Variants in SPG11 observed in about 807,000 individuals in gnomAD.
SPG11 encodes the protein SPG11 vesicle trafficking associated, spatacsin.
A neutral mutation model predicts 274.0 loss-of-function variants in SPG11; 222 were observed. The observed-to-expected ratio is 0.81, with a 90% CI of 0.73 to 0.91. The LOEUF (loss-of-function observed/expected upper bound fraction) is 0.91, where lower values mean the gene tolerates loss of function less well. Among genes scored for constraint, SPG11 ranks in the 40% least tolerant of loss-of-function variants. The pLI, the probability that SPG11 is intolerant of heterozygous loss-of-function variation, is 0.00. For missense variants in SPG11, 3,114 were observed against 2,872.7 expected (o/e 1.08, Z -1.92); for synonymous variants, 1,144 against 1,039.7 (o/e 1.10, Z -1.93).
At chr15:44,631,104 G>T (rs1467568356) in intron 8 of SPG11, among the ~76,000 whole-genome samples, 5 of 152,024 alleles carry the variant, frequency 3.3e-5, no homozygotes, top group Non-Finnish European at 5.9e-5. Flanking sequence ...CTTAAACCTG[G>T]AAATTCCAGG....
intron 30 of SPG11, among the ~76,000 whole-genome samples, chr15:44,583,013 C>G (rs1333004583): frequency 6.6e-6 from 1 of 152,104 alleles, no homozygotes; most frequent in Non-Finnish European, 1.5e-5. Flanking sequence ...ACTGAAAGGC[C>G]TAGTCAGTGC....
chr15:44,602,688 T>C (rs1183904490), intron 20 of SPG11, among the ~76,000 whole-genome samples: 1 of 152,080 alleles, frequency 6.6e-6, no homozygotes, highest in Non-Finnish European at 1.5e-5. Flanking sequence ...TTCACCGTGT[T>C]AGCCAGGATG....
At position 44,563,172 on chromosome 15, in the gene SPG11, A is replaced by C; in HGVS notation, c.7281T>G (p.Leu2427=). The stretch of plus-strand genomic sequence containing the variant: ...AGCAACCTGTCTGAGGGTCCTTCAG[A>C]AGCACATTTACAATTTCATAAAACT... ...EHKFYEIVNV[L]LKDPQTGCCL... is the part of the protein sequence containing the mutation. Residue 2427 remains leucine (L), a synonymous_variant, in exon 40 of 40, where the codon CTT becomes CTG. Coordinates refer to ENST00000261866, the MANE Select transcript of SPG11 (RefSeq NM_025137.4). 6.2e-7 allele frequency: 1 copy of C among 1,614,222 alleles called. No homozygotes were observed. Among genetic ancestry groups the C allele is most frequent in the Non-Finnish European group, 8.5e-7 (1 of 1,180,030 alleles).
At chr15:44,602,462 A>C (rs1247034505) in intron 20 of SPG11, among the ~76,000 whole-genome samples, 1 of 151,226 alleles carries the variant, frequency 6.6e-6, no homozygotes, top group East Asian at 1.9e-4. Flanking sequence ...GCATCTATTG[A>C]TATGATCATA....
Position 44,583,888 on chromosome 15 carries a change from A to C in SPG11, c.5792T>G (p.Ile1931Ser). The change falls in exon 30 of 40, where the codon ATC becomes AGC. Residue 1931 changes from isoleucine (I) to serine (S), a missense_variant. Coordinates refer to ENST00000261866, the MANE Select transcript of SPG11 (RefSeq NM_025137.4). ...CTCAGCACTTTGTAGGAGAGCATGG[A>C]TCTCTGGGTGCAGATCCTCCATACT... ...EASMEDLHPE[I>S]HALLQSAELL... The C allele has an allele frequency of 6.2e-7, 1 of 1,614,164 alleles. No individual in the cohort carries two copies. Among genetic ancestry groups the C allele is most frequent in the Non-Finnish European group, 8.5e-7 (1 of 1,180,024 alleles).
intron 35 of SPG11, among the ~76,000 whole-genome samples, chr15:44,568,905 C>G (rs549500771): frequency 7.2e-5 from 11 of 152,218 alleles, no homozygotes; most frequent in African/African-American, 2.4e-4. Flanking sequence ...GGCACGGTGG[C>G]TCATGCCTGT....
chr15:44,597,177 G>A (rs911198515), intron 23 of SPG11: 16 of 403,236 alleles, frequency 4.0e-5, no homozygotes, highest in Non-Finnish European at 6.4e-5. Flanking sequence ...ACAATGGTGC[G>A]ATCTCAGCTC....
chr15:44,639,053 T>A (rs1368778331), intron 7 of SPG11, among the ~76,000 whole-genome samples: 4 of 152,046 alleles, frequency 2.6e-5, no homozygotes, highest in African/African-American at 4.8e-5. Context: ...TCCTGCGTAT[T>A]TTTTTACACA....
chr15:44,573,050 G>A (rs2082457014), intron 32 of SPG11, among the ~76,000 whole-genome samples: 1 of 144,916 alleles, frequency 6.9e-6, no homozygotes, highest in Non-Finnish European at 1.5e-5. Flanking sequence ...GCAGTGGGGT[G>A]ATCTTGGCTC....
rs773179656 is a variant in SPG11 at position 44,574,959 on chromosome 15, T to C, written c.5949A>G (p.Lys1983=). 8 of 1,613,974 alleles carry C rather than the reference T, an allele frequency of 5.0e-6. No homozygotes were observed. In the African/African-American group the frequency reaches 8.0e-5, roughly 16 times the overall value. Residue 1983 remains lysine (K), a synonymous_variant, in exon 31 of 40, where the codon AAA becomes AAG. Coordinates refer to ENST00000261866, the MANE Select transcript of SPG11 (RefSeq NM_025137.4). ...VVTNLEVLTS[K]CLHGKNYCRQ... ...GACAGTAGTTCTTCCCATGGAGGCA[T>C]TTGCTTGTCAGCACTTCCAGGTTAG... is the stretch of plus-strand genomic sequence containing the variant.
chr15:44,566,450 T>C (rs896044403), intron 36 of SPG11, 145 bp from the exon 37 acceptor site: 1 of 804,408 alleles, frequency 1.2e-6, no homozygotes, highest in Admixed American at 2.0e-5. Flanking sequence ...TAAAGGTTAT[T>C]GGGCCAGAAA....
At chr15:44,585,574 C>T (rs1165707622) in intron 29 of SPG11, 62 bp downstream of exon 29, 4 of 1,432,716 alleles carry the variant, frequency 2.8e-6, no homozygotes, top group Non-Finnish European at 3.9e-6. Context: ...TGCACTCCAG[C>T]CTGGGTGACA....
In SPG11 at chr15:44,565,903, C is replaced by G. The variant is rs79186522; in HGVS notation, c.6950G>C (p.Gly2317Ala). The change falls in exon 38 of 40, where the codon GGC (glycine) becomes GCC (alanine). Residue 2317 changes from glycine (G) to alanine (A), a missense_variant. Gly to Ala is a moderately conservative substitution (Grantham distance 60). Transcript: ENST00000261866. Reference sequence around the variant, plus strand: ...AATACAGTCCATCAGCTTGTGGCGGCCCAAGTTGATGAGCATTGTGTTCTG... The same window carrying G: ...AATACAGTCCATCAGCTTGTGGCGGGCCAAGTTGATGAGCATTGTGTTCTG... Reference protein sequence around the residue: ...TGQNTMLINLGRHKLMDCILA... With the variant: ...TGQNTMLINLARHKLMDCILA... 6.2e-7 allele frequency: 1 copy of G among 1,612,952 alleles called. No individual in the cohort carries two copies.
intron 20 of SPG11, chr15:44,604,108 C>T (rs1000063658): frequency 1.4e-5 from 6 of 431,012 alleles, no homozygotes; most frequent in Non-Finnish European, 2.7e-5. Context: ...AGTGTACCTG[C>T]TCTTGTTTTC....
At chr15:44,636,256 T>C (rs2084247150) in intron 7 of SPG11, among the ~76,000 whole-genome samples, 1 of 151,798 alleles carries the variant, frequency 6.6e-6, no homozygotes, top group Non-Finnish European at 1.5e-5. Context: ...AAAGATAAAC[T>C]AGAAAAAATT....
intron 30 of SPG11, among the ~76,000 whole-genome samples, chr15:44,579,606 A>ATAT (rs1258187730): frequency 6.6e-6 from 1 of 152,146 alleles, no homozygotes; most frequent in East Asian, 1.9e-4. Flanking sequence ...AGCTAGCATT[A>ATAT]AAATGATGCA....
rs544040175 is a variant in SPG11 at position 44,596,800 on chromosome 15, T to C, written c.4145A>G (p.Asn1382Ser). Residue 1382 changes from asparagine to serine, a missense_variant, in exon 24 of 40, where the codon AAC (asparagine) becomes AGC (serine). Coordinates refer to ENST00000261866, the MANE Select transcript of SPG11 (RefSeq NM_025137.4). ...GTGGCTTACCTCTGCTGGGTGGTAGTTGTGGAGTTGGCTGTGAATAATGAA... is the reference window on the plus strand; with the variant it reads ...GTGGCTTACCTCTGCTGGGTGGTAGCTGTGGAGTTGGCTGTGAATAATGAA... Reference protein sequence around the residue: ...LQFIIHSQLHNYHPAEVKSLI... With the variant: ...LQFIIHSQLHSYHPAEVKSLI... The C allele has an allele frequency of 9.3e-6, 15 of 1,613,926 alleles. No individual in the cohort carries two copies. The highest frequency in any genetic ancestry group is 3.3e-5 in the Admixed American group (2 of 59,988).
chr15:44,564,779 C>T, intron 38 of SPG11, 81 bp from the exon 39 acceptor site: 3 of 1,428,332 alleles, frequency 2.1e-6, no homozygotes, highest in Admixed American at 1.7e-5. Context: ...GAAAACAATA[C>T]TGTATACTCA....
At chr15:44,579,939 T>G (rs1164082764) in intron 30 of SPG11, among the ~76,000 whole-genome samples, 1 of 152,234 alleles carries the variant, frequency 6.6e-6, no homozygotes, top group African/African-American at 2.4e-5. Flanking sequence ...GTAGCCTAAA[T>G]GTACAGCATT....
Sources: allele counts gnomAD v4.1 joint callset (sites outside exome capture counted in the v4.1 genomes callset), GRCh38; gene constraint gnomAD v4.1.1; transcripts MANE v1.5; gene names NCBI Gene and HGNC (gene_info 2026-07-23, HGNC 2026-07-21).